EPS15: variants seen among roughly 807,000 people sequenced by gnomAD.
EPS15 encodes the protein epidermal growth factor receptor pathway substrate 15, also known as epidermal growth factor receptor substrate 15.
A neutral mutation model predicts 113.8 loss-of-function variants in EPS15; 72 were observed. That is an observed-to-expected ratio of 0.63 (90% CI 0.52 to 0.77). EPS15 has a LOEUF of 0.77. Ranked by LOEUF, EPS15 falls within the 30% of genes least tolerant of loss-of-function variation. The pLI is 0.00. For synonymous variants in EPS15, 344 were observed against 363.4 expected, an observed-to-expected ratio of 0.95 and a Z score of 0.61; for missense variants, 1,048 against 1,045.8, an observed-to-expected ratio of 1.00 and a Z score of -0.03.
chr1:51,368,418 A>G (rs1273585707), intron 21 of EPS15, among the ~76,000 whole-genome samples: 1 of 152,154 alleles, frequency 6.6e-6, no homozygotes, highest in Non-Finnish European at 1.5e-5. Flanking sequence ...AGCAACTCTG[A>G]TCCTGAAGAG....
intron 8 of EPS15, 162 bp downstream of exon 8, chr1:51,460,929 G>C (rs1654388696): frequency 1.9e-6 from 1 of 522,978 alleles, no homozygotes; most frequent in Non-Finnish European, 3.4e-6. Context: ...ACTCCAGCCT[G>C]GGTGACAGAG....
intron 21 of EPS15, chr1:51,372,534 T>C (rs910541574): frequency 1.9e-5 from 10 of 530,324 alleles, no homozygotes; most frequent in Admixed American, 3.9e-5. Context: ...CAAAGAATAG[T>C]TGGGTGGTAC....
intron 21 of EPS15, among the ~76,000 whole-genome samples, chr1:51,378,916 T>C (rs915628337): frequency 6.6e-6 from 1 of 152,142 alleles, no homozygotes; most frequent in South Asian, 2.1e-4. Flanking sequence ...GCAGAGAGCT[T>C]ATTTGAAGAA....
chr1:51,400,801 A>G, intron 19 of EPS15, 117 bp downstream of exon 19: 2 of 509,980 alleles, frequency 3.9e-6, no homozygotes, highest in Non-Finnish European at 7.0e-6. Flanking sequence ...TCTCTTTCTG[A>G]AAATGCCAGG....
rs111952864 is a variant in EPS15 at position 51,442,224 on chromosome 1, G to C, written c.955-1792C>G. On this transcript the variant is annotated intron_variant, in intron 11 of 24. Coordinates refer to ENST00000371733, the MANE Select transcript of EPS15 (RefSeq NM_001981.3). ...TAAACTTGACCTATGAGCTAGGCCT[G>C]GCCAGACAGCTAAACAAAATGAAAC... is the stretch of plus-strand genomic sequence containing the variant. Among the ~76,000 whole-genome samples, 359 of 152,184 alleles carry C rather than the reference G, an allele frequency of 2.4e-3. 1 individual carries two copies. The highest frequency in any genetic ancestry group is 8.2e-3 in the African/African-American group (342 of 41,552).
intron 2 of EPS15, among the ~76,000 whole-genome samples, chr1:51,480,484 T>C (rs747511995): frequency 3.9e-5 from 6 of 152,164 alleles, no homozygotes; most frequent in Non-Finnish European, 8.8e-5. Context: ...AGTATGTAAA[T>C]CTCTGTAACT....
chr1:51,505,817 A>G (rs1644489933), intron 1 of EPS15, among the ~76,000 whole-genome samples: 1 of 152,058 alleles, frequency 6.6e-6, no homozygotes, highest in Non-Finnish European at 1.5e-5. Context: ...ATTTTTTGAG[A>G]TGGAGTCTCT....
At chr1:51,448,371 C>G (rs950979866) in intron 8 of EPS15, among the ~76,000 whole-genome samples, 1 of 151,816 alleles carries the variant, frequency 6.6e-6, no homozygotes, top group Non-Finnish European at 1.5e-5. Context: ...AGAGACGTAC[C>G]CTTCAACTAA....
At chr1:51,517,636 T>C (rs1454684229) in intron 1 of EPS15, among the ~76,000 whole-genome samples, 4 of 152,180 alleles carry the variant, frequency 2.6e-5, no homozygotes, top group African/African-American at 9.7e-5. Flanking sequence ...AGTGAATACC[T>C]AAAAGTCAGT....
Position 51,354,558 on chromosome 1 carries a change from T to G in EPS15, c.*2142A>C, listed in dbSNP as rs1401877594. On this transcript the variant is annotated 3_prime_UTR_variant, in exon 25 of 25. Coordinates refer to ENST00000371733, the MANE Select transcript of EPS15 (RefSeq NM_001981.3). ...TCAGTATGTAGAAGACATTTAAAAC[T>G]TTGTAAGTAGTGCCACTTAGCTCTG... 1 of 189,710 alleles carries G rather than the reference T, an allele frequency of 5.3e-6. No homozygotes were observed. Among genetic ancestry groups the G allele is most frequent in the Non-Finnish European group, 1.1e-5 (1 of 90,250 alleles). 11.8% of individuals were successfully genotyped at this position (189,710 alleles called of 1,614,324 possible).
chr1:51,423,848 A>C, intron 12 of EPS15: 1 of 302,790 alleles, frequency 3.3e-6, no homozygotes, highest in Non-Finnish European at 4.9e-6. Flanking sequence ...ACTCAGCTCT[A>C]AACAGCAAAC....
At chr1:51,483,031 A>C (rs1171669352) in intron 1 of EPS15, among the ~76,000 whole-genome samples, 1 of 152,214 alleles carries the variant, frequency 6.6e-6, no homozygotes, top group African/African-American at 2.4e-5. Flanking sequence ...TTCCAGAAAT[A>C]AACATTTCAT....
At chr1:51,386,752 G>C (rs1647087060) in intron 21 of EPS15, among the ~76,000 whole-genome samples, 1 of 152,174 alleles carries the variant, frequency 6.6e-6, no homozygotes, top group Non-Finnish European at 1.5e-5. Context: ...AATGAAGCAA[G>C]AAGGGAAGTT....
intron 24 of EPS15, among the ~76,000 whole-genome samples, chr1:51,358,598 AAAG>A (rs1467857833): frequency 1.4e-4 from 22 of 152,308 alleles, no homozygotes; most frequent in African/African-American, 4.8e-4. Flanking sequence ...CACAATGAAA[AAAG>A]AAGATGTTCT....
chr1:51,504,612 A>G (rs919039721), intron 1 of EPS15, among the ~76,000 whole-genome samples: 2 of 152,190 alleles, frequency 1.3e-5, no homozygotes, highest in African/African-American at 4.8e-5. Flanking sequence ...ATAAATAGAC[A>G]TTTCTCTAAA....
At chr1:51,516,026 T>C (rs72674577) in intron 1 of EPS15, among the ~76,000 whole-genome samples, 3,291 of 152,206 alleles carry the variant, frequency 0.022, 52 homozygotes, top group Non-Finnish European at 0.031. Flanking sequence ...AAGTATTACA[T>C]GCTTTTTTTC....
chr1:51,466,329 AGTT>A (rs1407425775), intron 5 of EPS15, among the ~76,000 whole-genome samples: 1 of 151,774 alleles, frequency 6.6e-6, no homozygotes, highest in African/African-American at 2.4e-5. Flanking sequence ...AAAAATATAA[AGTT>A]GAATCTAGGC....
chr1:51,389,373 G>A (rs1647193685), intron 21 of EPS15, among the ~76,000 whole-genome samples: 1 of 152,132 alleles, frequency 6.6e-6, no homozygotes, highest in African/African-American at 2.4e-5. Flanking sequence ...TACTGAATGG[G>A]CAAAAACTGC....
At chr1:51,482,116 G>A (rs1328105054) in intron 1 of EPS15, among the ~76,000 whole-genome samples, 2 of 152,188 alleles carry the variant, frequency 1.3e-5, no homozygotes, top group Non-Finnish European at 2.9e-5. Flanking sequence ...GCTGCGGTGA[G>A]CTGTGACTCT....
Sources: gnomAD v4.1 joint callset for allele counts (sites outside exome capture counted in the v4.1 genomes callset) on GRCh38, gnomAD v4.1.1 for gene constraint, MANE v1.5 for transcripts, NCBI Gene and HGNC (gene_info 2026-07-23, HGNC 2026-07-21) for gene names.